SMCHD1: variants seen among roughly 807,000 people sequenced by gnomAD.
SMCHD1 encodes the protein structural maintenance of chromosomes flexible hinge domain containing 1.
Under a neutral mutation model 254.7 loss-of-function variants are expected in SMCHD1, and 78 were observed. The ratio of observed to expected loss-of-function variants is 0.31; its 90% CI spans 0.26 to 0.37. SMCHD1 has a LOEUF of 0.37. Ranked by LOEUF, SMCHD1 falls within the 10% of genes least tolerant of loss-of-function variation. The probability of loss-of-function intolerance (pLI) is 1.00; values close to 1 mark genes in which losing one functional copy is unlikely to be tolerated. For synonymous variants in SMCHD1, 766 were observed against 794.9 expected, an observed-to-expected ratio of 0.96 and a Z score of 0.61; for missense variants, 1,840 against 2,408.1, an observed-to-expected ratio of 0.76 and a Z score of 4.94.
intron 17 of SMCHD1, among the ~76,000 whole-genome samples, chr18:2,717,808 T>C (rs2074836273): frequency 6.6e-6 from 1 of 152,192 alleles, no homozygotes; most frequent in Non-Finnish European, 1.5e-5. Flanking sequence ...TTTTTAAAAA[T>C]TTTGTTTTTT....
chr18:2,712,722 A>G (rs541047073), intron 17 of SMCHD1, among the ~76,000 whole-genome samples: 5 of 152,312 alleles, frequency 3.3e-5, no homozygotes, highest in South Asian at 2.1e-4. Context: ...AGCTGCCTCA[A>G]TGAAAAGTCC....
At chr18:2,752,150 C>G (rs2075586257) in intron 33 of SMCHD1, among the ~76,000 whole-genome samples, 1 of 152,138 alleles carries the variant, frequency 6.6e-6, no homozygotes, top group African/African-American at 2.4e-5. Context: ...TCATTTTAAT[C>G]ATTGGTTTTG....
chr18:2,702,716 A>G (rs597873), intron 12 of SMCHD1, among the ~76,000 whole-genome samples: 92,862 of 152,082 alleles, frequency 0.61, 30,836 homozygotes, highest in Non-Finnish European at 0.73. Context: ...TCATTCATAT[A>G]ACTTTAAAAA....
At chr18:2,734,942 G>A (rs2075218657) in intron 25 of SMCHD1, among the ~76,000 whole-genome samples, 1 of 151,780 alleles carries the variant, frequency 6.6e-6, no homozygotes, top group Admixed American at 6.6e-5. Flanking sequence ...ATGGTGGCGG[G>A]CACCTGTGAT....
intron 13 of SMCHD1, among the ~76,000 whole-genome samples, chr18:2,704,881 T>G (rs1387040266): frequency 2.0e-5 from 3 of 151,978 alleles, no homozygotes; most frequent in Non-Finnish European, 4.4e-5. Flanking sequence ...TCCCAACATT[T>G]AGTGGTTAGA....
rs769432583 is a variant in SMCHD1 at position 2,708,907 on chromosome 18, T to TATATATAAAA, written c.2260+988_2260+989insTATATAAAAA. ...ATATATATATATATATATATATATATAACATATTAACATGAAATTTATGAA... is the reference window on the plus strand; with the variant it reads ...ATATATATATATATATATATATATATATATATAAAAAACATATTAACATGAAATTTATGAA... On this transcript the variant is annotated intron_variant, in intron 17 of 47. Coordinates refer to ENST00000320876, the MANE Select transcript of SMCHD1 (RefSeq NM_015295.3). Among the ~76,000 whole-genome samples, 125 of 44,696 alleles carry TATATATAAAA rather than the reference T, an allele frequency of 2.8e-3. 13 individuals carry two copies. Among genetic ancestry groups the TATATATAAAA allele is most frequent in the East Asian group, 5.8e-3 (5 of 864 alleles). 29.3% of individuals were successfully genotyped at this position (44,696 alleles called of 152,430 possible).
In SMCHD1 at chr18:2,740,386, C is replaced by T. The variant is rs1031911878; in HGVS notation, c.3515-317C>T. 3.3e-5 allele frequency among the ~76,000 whole-genome samples: 5 copies of T among 151,894 alleles called. No individual in the cohort carries two copies. The East Asian group carries it at 9.6e-4, about 29-fold the overall frequency. On this transcript the variant is annotated intron_variant, in intron 27 of 47. Coordinates refer to ENST00000320876, the MANE Select transcript of SMCHD1 (RefSeq NM_015295.3). The stretch of plus-strand genomic sequence containing the variant: ...TTTTTAAACATAAAAGTATAACATA[C>T]ATGTATGAATGGATTCCTATGTATT...
chr18:2,780,000 G>A (rs937521668), intron 44 of SMCHD1, among the ~76,000 whole-genome samples: 1 of 152,026 alleles, frequency 6.6e-6, no homozygotes, highest in African/African-American at 2.4e-5. Flanking sequence ...AGCACTTTGC[G>A]AGGCCAAGGT....
At position 2,700,226 on chromosome 18, in the gene SMCHD1, T is replaced by A. The variant is rs183618847; in HGVS notation, c.1343-313T>A. ...GATACGGGATTTAAGCTCCTATATT[T>A]GTAGGAAGGAGGGATTTTGTTATAG... On this transcript the variant is annotated intron_variant, in intron 10 of 47. Transcript: ENST00000320876. Among the ~76,000 whole-genome samples the A allele has an allele frequency of 3.5e-4, 54 of 152,346 alleles. No individual in the cohort carries two copies. In the East Asian group the frequency reaches 9.6e-3, roughly 27 times the overall value.
At chr18:2,688,599 T>G (rs1247042865) in intron 6 of SMCHD1, 29 bp from the exon 7 acceptor site, 2 of 1,571,414 alleles carry the variant, frequency 1.3e-6, no homozygotes, top group Admixed American at 3.9e-5. Context: ...ATTAGGAATT[T>G]AAAAAGTACT....
At chr18:2,715,295 T>C (rs1476402189) in intron 17 of SMCHD1, among the ~76,000 whole-genome samples, 1 of 152,188 alleles carries the variant, frequency 6.6e-6, no homozygotes, top group Non-Finnish European at 1.5e-5. Context: ...TTGATCATTT[T>C]TTACAATTCT....
Position 2,784,611 on chromosome 18 carries a change from G to C in SMCHD1, c.5709G>C (p.Gly1903=), listed in dbSNP as rs201890253. ...TTCCAAAACAGTGTCTGATCTTAGG[G>C]GAACAAATAGGTAAGTTGAATAAGT... ...APVPKQCLIL[G]EQIDLLQQYR... Residue 1903 remains glycine, a synonymous_variant, in exon 45 of 48, where the codon GGG becomes GGC. Transcript: ENST00000320876. The C allele has an allele frequency of 1.3e-6, 2 of 1,581,360 alleles. No homozygotes were observed. The highest frequency in any genetic ancestry group is 2.7e-5 in the African/African-American group (2 of 73,050).
intron 47 of SMCHD1, among the ~76,000 whole-genome samples, chr18:2,801,416 C>T (rs2076360306): frequency 6.6e-6 from 1 of 152,192 alleles, no homozygotes; most frequent in East Asian, 1.9e-4. Context: ...TGGACTGCGA[C>T]TTTCTCCTCT....
At chr18:2,693,424 A>G (rs2074221797) in intron 7 of SMCHD1, among the ~76,000 whole-genome samples, 1 of 152,202 alleles carries the variant, frequency 6.6e-6, no homozygotes, top group Non-Finnish European at 1.5e-5. Context: ...CTAGTCTACA[A>G]ATTTGTACAG....
chr18:2,769,801 A>G lies in SMCHD1; in HGVS notation c.4827A>G (p.Leu1609=), dbSNP rs774077792. 115 of 1,603,232 alleles carry G rather than the reference A, an allele frequency of 7.2e-5. 3 individuals are homozygous for G. In the South Asian group the frequency reaches 1.2e-3, roughly 17 times the overall value. ...LLSRTLEPYI[L]PFMFYNDVKK... ...CAAGAACCTTAGAACCATATATCCT[A>G]CCGTTCATGTTTTACAATGGTAAGT... Residue 1609 remains leucine (L), a synonymous_variant, in exon 38 of 48, where the codon CTA becomes CTG. Coordinates refer to ENST00000320876, the MANE Select transcript of SMCHD1 (RefSeq NM_015295.3).
At chr18:2,695,678 A>G (rs1490156739) in intron 8 of SMCHD1, among the ~76,000 whole-genome samples, 1 of 152,094 alleles carries the variant, frequency 6.6e-6, no homozygotes, top group Non-Finnish European at 1.5e-5. Flanking sequence ...TTGCATTAGT[A>G]TGAATTACTG....
At chr18:2,693,623 TTTG>T (rs1258942692) in intron 7 of SMCHD1, among the ~76,000 whole-genome samples, 4 of 90,282 alleles carry the variant, frequency 4.4e-5, no homozygotes, top group Non-Finnish European at 5.1e-5. Context: ...TACCATGTTT[TTTG>T]TTTGTTTGTT....
intron 45 of SMCHD1, among the ~76,000 whole-genome samples, chr18:2,792,648 T>C (rs1707539726): frequency 6.6e-6 from 1 of 152,256 alleles, no homozygotes; most frequent in African/African-American, 2.4e-5. Flanking sequence ...GTTCATATTC[T>C]TCAAAATATT....
At position 2,707,560 on chromosome 18, in the gene SMCHD1, C is replaced by T; in HGVS notation, c.2064-3C>T. On this transcript the variant is annotated splice_polypyrimidine_tract_variant and splice_region_variant and intron_variant, in intron 15 of 47. Coordinates refer to ENST00000320876, the MANE Select transcript of SMCHD1 (RefSeq NM_015295.3). ...GAACATTAATATGCTGGTTTCATAA[C>T]AGGCTCCCTGATAGATTGTCAGTAA... is the stretch of plus-strand genomic sequence containing the variant. The T allele has an allele frequency of 6.3e-7, 1 of 1,585,166 alleles. No homozygotes were observed. Among genetic ancestry groups the T allele is most frequent in the Non-Finnish European group, 8.6e-7 (1 of 1,163,866 alleles).
Sources: gnomAD v4.1 joint callset for allele counts (sites outside exome capture counted in the v4.1 genomes callset) on GRCh38, gnomAD v4.1.1 for gene constraint, MANE v1.5 for transcripts, NCBI Gene and HGNC (gene_info 2026-07-23, HGNC 2026-07-21) for gene names.